Variants in ZNF804A observed in about 807,000 individuals in gnomAD.
ZNF804A encodes the protein zinc finger protein 804A.
In ZNF804A, 2 loss-of-function variants were observed where a neutral mutation model predicts 16.5. The observed-to-expected ratio is 0.12, with a 90% CI of 0.05 to 0.38. The LOEUF is 0.38. ZNF804A is among the 10% of genes least tolerant of loss of function. ZNF804A has a pLI of 0.99. For missense variants in ZNF804A, 1,473 were observed against 1,390.7 expected, an observed-to-expected ratio of 1.06 and a Z score of -0.94; for synonymous variants, 534 against 489.6, an observed-to-expected ratio of 1.09 and a Z score of -1.20.
At chr2:184,713,605 T>C (rs751296627) in intron 1 of ZNF804A, among the ~76,000 whole-genome samples, 1 of 151,978 alleles carries the variant, frequency 6.6e-6, no homozygotes, top group African/African-American at 2.4e-5. Context: ...TATACCAACA[T>C]GTACAGAACA....
rs372282392 is a variant in ZNF804A, at chr2:184,936,163, C to T, written c.767C>T (p.Ala256Val). 1.2e-6 allele frequency: 2 copies of T among 1,614,046 alleles called. No homozygotes were observed. The highest frequency in any genetic ancestry group is 8.5e-7 in the Non-Finnish European group (1 of 1,179,944). The change falls in exon 4 of 4, where the codon GCT becomes GTT. Residue 256 changes from alanine to valine, a missense_variant. Transcript: ENST00000302277. ...FSRKSRFVPS[A>V]CHLQQSSPTD... ...AGAAAAAGTAGATTTGTCCCCAGTG[C>T]TTGTCATCTTCAACAATCTTCACCA...
At chr2:184,637,676 A>ATACATTATTCTCTCTATT (rs6147067) in intron 1 of ZNF804A, among the ~76,000 whole-genome samples, 1 of 151,818 alleles carries the variant, frequency 6.6e-6, no homozygotes, top group Admixed American at 6.6e-5. Flanking sequence ...TGCAGGCATA[A>ATACATTATTCTCTCTATT]TTTAGAAAAT....
At chr2:184,855,613 TATACACAC>T (rs1247201867) in intron 1 of ZNF804A, among the ~76,000 whole-genome samples, 128 of 124,242 alleles carry the variant, frequency 1.0e-3, no homozygotes, top group African/African-American at 3.9e-3. Context: ...TATATATATA[TATACACAC>T]ACACACACAC....
chr2:184,710,698 C>A (rs1693111883), intron 1 of ZNF804A, among the ~76,000 whole-genome samples: 2 of 151,698 alleles, frequency 1.3e-5, no homozygotes, highest in South Asian at 4.1e-4. Context: ...TAGCAGTCAT[C>A]TTTCTATTTT....
intron 1 of ZNF804A, among the ~76,000 whole-genome samples, chr2:184,769,845 CAAGT>C (rs1030220094): frequency 1.3e-4 from 20 of 151,946 alleles, no homozygotes; most frequent in Admixed American, 1.3e-3. Flanking sequence ...AGATGTTTGC[CAAGT>C]AAGATATCAT....
chr2:184,691,135 G>T (rs934025217), intron 1 of ZNF804A, among the ~76,000 whole-genome samples: 2 of 151,946 alleles, frequency 1.3e-5, no homozygotes, highest in Non-Finnish European at 2.9e-5. Context: ...TTGAAGGGAT[G>T]ATCATGCTTT....
rs192595165 is a variant in ZNF804A at position 184,695,047 on chromosome 2, G to A, written c.111+95977G>A. Among the ~76,000 whole-genome samples, 504 of 152,310 alleles carry A rather than the reference G, an allele frequency of 3.3e-3. 4 individuals carry two copies. Among genetic ancestry groups the A allele is most frequent in the Non-Finnish European group, 5.1e-3 (348 of 68,030 alleles). ...GAGTGGGGAAATAACCTGGATGGGC[G>A]AAACTCCTGTTCATGCATACAGACC... On this transcript the variant is annotated intron_variant, in intron 1 of 3. Transcript: ENST00000302277.
chr2:184,762,739 ATTAT>A (rs1449405987), intron 1 of ZNF804A, among the ~76,000 whole-genome samples: 2 of 152,044 alleles, frequency 1.3e-5, no homozygotes, highest in Non-Finnish European at 2.9e-5. Flanking sequence ...TAAAATAGTT[ATTAT>A]TTGTCTATTT....
At chr2:184,819,842 C>T (rs1053719980) in intron 1 of ZNF804A, among the ~76,000 whole-genome samples, 1 of 151,976 alleles carries the variant, frequency 6.6e-6, no homozygotes, top group African/African-American at 2.4e-5. Flanking sequence ...TTCCTGGGAA[C>T]ATATACCCTC....
chr2:184,839,249 C>T (rs1275326335), intron 1 of ZNF804A, among the ~76,000 whole-genome samples: 1 of 151,976 alleles, frequency 6.6e-6, no homozygotes, highest in African/African-American at 2.4e-5. Context: ...TGTCATGCTA[C>T]ATGTATACAT....
At chr2:184,802,665 T>C (rs1694745476) in intron 1 of ZNF804A, among the ~76,000 whole-genome samples, 1 of 152,178 alleles carries the variant, frequency 6.6e-6, no homozygotes, top group African/African-American at 2.4e-5. Context: ...CTCTGATGAG[T>C]GCAAGGGAAG....
At chr2:184,803,308 C>T (rs1046566400) in intron 1 of ZNF804A, among the ~76,000 whole-genome samples, 2 of 152,080 alleles carry the variant, frequency 1.3e-5, no homozygotes, top group Non-Finnish European at 2.9e-5. Context: ...CTCATTGACG[C>T]CCACCCTGAC....
intron 1 of ZNF804A, among the ~76,000 whole-genome samples, chr2:184,651,241 T>C (rs2105700503): frequency 6.6e-6 from 1 of 152,240 alleles, no homozygotes; most frequent in African/African-American, 2.4e-5. Flanking sequence ...GCTAGCCATA[T>C]ACAGAAGGTG....
intron 1 of ZNF804A, among the ~76,000 whole-genome samples, chr2:184,751,955 G>A (rs1693883787): frequency 6.6e-6 from 1 of 151,700 alleles, no homozygotes; most frequent in African/African-American, 2.4e-5. Context: ...AGTCAAAATA[G>A]CTTTTTTAAA....
rs1692697982 is a variant in ZNF804A at position 184,689,655 on chromosome 2, A to G, written c.111+90585A>G. On this transcript the variant is annotated intron_variant, in intron 1 of 3. Transcript: ENST00000302277. ...GTAGTTTAATCTTTACTATATTTAAATATGTAATATATGCTTAATGAGTTT... is the reference window on the plus strand; with the variant it reads ...GTAGTTTAATCTTTACTATATTTAAGTATGTAATATATGCTTAATGAGTTT... 3.3e-5 allele frequency among the ~76,000 whole-genome samples: 5 copies of G among 152,094 alleles called. No individual in the cohort carries two copies. In the South Asian group the frequency reaches 1.0e-3, roughly 31 times the overall value.
At chr2:184,792,947 C>T (rs759372483) in intron 1 of ZNF804A, among the ~76,000 whole-genome samples, 13 of 152,016 alleles carry the variant, frequency 8.6e-5, no homozygotes, top group Non-Finnish European at 1.8e-4. Context: ...CCCTAGCAGT[C>T]CACAGTGTCT....
At chr2:184,763,630 C>CTCTTTTTTT (rs1491488788) in intron 1 of ZNF804A, among the ~76,000 whole-genome samples, 2 of 21,256 alleles carry the variant, frequency 9.4e-5, no homozygotes, top group African/African-American at 2.0e-4. Flanking sequence ...CTTCAAAGTG[C>CTCTTTTTTT]TTTTTTTTTT....
intron 2 of ZNF804A, among the ~76,000 whole-genome samples, chr2:184,925,315 G>C (rs1470738594): frequency 6.6e-6 from 1 of 151,734 alleles, no homozygotes; most frequent in African/African-American, 2.4e-5. Context: ...TATAGTTGTT[G>C]TCATCGAATC....
chr2:184,764,223 A>G (rs1184460236), intron 1 of ZNF804A, among the ~76,000 whole-genome samples: 1 of 151,900 alleles, frequency 6.6e-6, no homozygotes, highest in Admixed American at 6.6e-5. Context: ...TTTCTGGTCT[A>G]CACACTAAAT....
Sources: gnomAD v4.1 joint callset for allele counts (sites outside exome capture counted in the v4.1 genomes callset) on GRCh38, gnomAD v4.1.1 for gene constraint, MANE v1.5 for transcripts, NCBI Gene and HGNC (gene_info 2026-07-23, HGNC 2026-07-21) for gene names.